The following WWC1 variants were observed in gnomAD, a reference collection of about 807,000 sequenced individuals.
WWC1 encodes the protein protein KIBRA.
Under a neutral mutation model 138.4 loss-of-function variants are expected in WWC1, and 55 were observed. That is an observed-to-expected ratio of 0.40 (90% CI 0.32 to 0.50). The LOEUF is 0.50. WWC1 is among the 20% of genes least tolerant of loss of function. The pLI is 0.72. For synonymous variants in WWC1, 524 were observed against 564.9 expected (o/e 0.93, Z 1.03); for missense variants, 1,226 against 1,420.4 (o/e 0.86, Z 2.20).
chr5:168,439,470 CAAAAA>C lies in WWC1; in HGVS notation c.2281-2201_2281-2197del, dbSNP rs34911162. ...AGAAACCCCGTCTCTACTAAAAATA[CAAAAA>C]AAAAAAAAAAGGCCAGGCGTGGTGG... On this transcript the variant is annotated intron_variant, in intron 15 of 22. Transcript: ENST00000265293. Among the ~76,000 whole-genome samples, 64 of 137,236 alleles carry C rather than the reference CAAAAA, an allele frequency of 4.7e-4. 1 individual carries two copies. Among genetic ancestry groups the C allele is most frequent in the African/African-American group, 1.5e-3 (59 of 39,026 alleles). The allele number at this position is 137,236 out of a possible 152,430, so 90.0% of individuals were successfully genotyped here. A position where few individuals can be genotyped will look rare whatever the true frequency, so the allele number is the denominator to read the frequency against.
intron 1 of WWC1, among the ~76,000 whole-genome samples, chr5:168,326,214 G>GTTTTTTTTTTTTTTTTTTTTTT (rs1772519891): frequency 9.0e-6 from 1 of 111,718 alleles, no homozygotes; most frequent in African/African-American, 3.3e-5. Flanking sequence ...CGACCTGATA[G>GTTTTTTTTTTTTTTTTTTTTTT]TCTTTTTTTT....
At chr5:168,437,147 C>G (rs1782414353) in intron 15 of WWC1, among the ~76,000 whole-genome samples, 2 of 152,146 alleles carry the variant, frequency 1.3e-5, no homozygotes, top group Non-Finnish European at 2.9e-5. Flanking sequence ...TTCTGTCCTC[C>G]CAGGTGCTCC....
chr5:168,363,524 CA>C (rs386405611), intron 1 of WWC1, among the ~76,000 whole-genome samples: 72 of 65,780 alleles, frequency 1.1e-3, no homozygotes, highest in African/African-American at 1.2e-3. Flanking sequence ...GACTCTGTCT[CA>C]AAAAAAAAAA....
chr5:168,351,551 G>A (rs1186453488), intron 1 of WWC1, among the ~76,000 whole-genome samples: 1 of 152,208 alleles, frequency 6.6e-6, no homozygotes, highest in African/African-American at 2.4e-5. Flanking sequence ...AGGATATGAT[G>A]GAAGGAGGGG....
chr5:168,314,685 CAGGGGGAACCTG>C (rs1011691265), intron 1 of WWC1, among the ~76,000 whole-genome samples: 8 of 152,192 alleles, frequency 5.3e-5, no homozygotes, highest in African/African-American at 1.9e-4. Context: ...TGGCCCCAGC[CAGGGGGAACCTG>C]AGCCTGGAGC....
At chr5:168,462,134 C>T (rs1156964479) in intron 20 of WWC1, among the ~76,000 whole-genome samples, 1 of 152,110 alleles carries the variant, frequency 6.6e-6, no homozygotes, top group African/African-American at 2.4e-5. Flanking sequence ...GCCAATAGCC[C>T]CCAGTAGGGG....
In WWC1 at chr5:168,464,776, G is replaced by A. The variant is rs544952709; in HGVS notation, c.2964G>A (p.Ser988=). ...GCTCCGAGCGTCTGATCCGTACCTC[G>A]CTGGACCTGGAGTTAGACCTGCAGG... ...SLRSERLIRT[S]LDLELDLQAT... The change falls in exon 21 of 23, where the codon TCG becomes TCA. Residue 988 remains serine (S), a synonymous_variant. Transcript: ENST00000265293. The A allele has an allele frequency of 1.0e-4, 163 of 1,614,132 alleles. 2 individuals are homozygous for A. In the East Asian group the frequency reaches 2.3e-3, roughly 22 times the overall value.
At chr5:168,443,782 C>A (rs1314263956) in intron 16 of WWC1, among the ~76,000 whole-genome samples, 1 of 152,208 alleles carries the variant, frequency 6.6e-6, no homozygotes, top group Admixed American at 6.5e-5. Flanking sequence ...CCCACACTAC[C>A]AAGGGTAACC....
chr5:168,328,921 T>G (rs148431877), intron 1 of WWC1, among the ~76,000 whole-genome samples: 15 of 152,300 alleles, frequency 9.8e-5, no homozygotes, highest in East Asian at 9.7e-4. Flanking sequence ...GCATCTGTTA[T>G]TCCCTCAGTC....
chr5:168,397,671 T>C (rs889973558), intron 3 of WWC1, 53 bp from the exon 4 acceptor site: 1 of 1,603,294 alleles, frequency 6.2e-7, no homozygotes, highest in Non-Finnish European at 8.5e-7. Flanking sequence ...AAGCCAACTT[T>C]GCTGAAATCT....
At chr5:168,309,919 C>T (rs997887803) in intron 1 of WWC1, among the ~76,000 whole-genome samples, 1 of 152,150 alleles carries the variant, frequency 6.6e-6, no homozygotes, top group South Asian at 2.1e-4. Flanking sequence ...TACAACAAAT[C>T]GAAAACTGAA....
chr5:168,399,529 G>C lies in WWC1; in HGVS notation c.552G>C (p.Glu184Asp). ...LKREMVHLQH[E>D]LQFKERGFQT... ...GAGAGATGGTTCACCTCCAGCACGA[G>C]CTGCAGTTCAAAGAGCGTGGCTTTC... The change falls in exon 5 of 23, where the codon GAG becomes GAC. Residue 184 changes from glutamate (E) to aspartate (D), a missense_variant. Around this residue, in one of 3 missense-constraint regions of WWC1, gnomAD observed 1,016 missense variants for 1,153.9 expected, o/e 0.88. Coordinates refer to ENST00000265293, the MANE Select transcript of WWC1 (RefSeq NM_015238.3). 6.2e-7 allele frequency: 1 copy of C among 1,614,190 alleles called. No individual in the cohort carries two copies. Among genetic ancestry groups the C allele is most frequent in the Non-Finnish European group, 8.5e-7 (1 of 1,180,034 alleles).
chr5:168,338,495 T>C (rs1034371736), intron 1 of WWC1, among the ~76,000 whole-genome samples: 22 of 147,702 alleles, frequency 1.5e-4, no homozygotes, highest in Non-Finnish European at 3.0e-4. Flanking sequence ...CACTGCAACC[T>C]CCGCCTCCCG....
intron 2 of WWC1, among the ~76,000 whole-genome samples, chr5:168,380,105 C>G (rs1777502409): frequency 6.6e-6 from 1 of 152,168 alleles, no homozygotes; most frequent in Non-Finnish European, 1.5e-5. Context: ...ATACATATCT[C>G]TAACAAAGAA....
At chr5:168,401,094 A>G (rs1428306404) in intron 5 of WWC1, among the ~76,000 whole-genome samples, 1 of 152,168 alleles carries the variant, frequency 6.6e-6, no homozygotes, top group Non-Finnish European at 1.5e-5. Context: ...CTGTCTCGAA[A>G]AAAAGGAAAA....
intron 17 of WWC1, among the ~76,000 whole-genome samples, chr5:168,445,081 C>T (rs1357130644): frequency 4.0e-5 from 6 of 151,848 alleles, no homozygotes; most frequent in African/African-American, 1.2e-4. Flanking sequence ...TTTGGGAAGC[C>T]GAGGTGGGTG....
chr5:168,457,296 C>A (rs1319558475), intron 19 of WWC1, among the ~76,000 whole-genome samples: 1 of 152,100 alleles, frequency 6.6e-6, no homozygotes, highest in Non-Finnish European at 1.5e-5. Flanking sequence ...ATTTTCCTAT[C>A]ATTTCCTCTA....
In WWC1 at chr5:168,408,653, CG is replaced by C; in HGVS notation, c.867+1del. 3 of 1,613,950 alleles carry C rather than the reference CG, an allele frequency of 1.9e-6. No homozygotes were observed. Among genetic ancestry groups the C allele is most frequent in the Non-Finnish European group, 2.5e-6 (3 of 1,179,906 alleles). ...GCTCCCAGACAGACATCTCGGGAAGCGTGAGTAGACGGGGCAGGTTGCTGGG... is the reference window on the plus strand; with the variant it reads ...GCTCCCAGACAGACATCTCGGGAAGCTGAGTAGACGGGGCAGGTTGCTGGG... On this transcript the variant is annotated splice_donor_variant, in intron 7 of 22. Transcript: ENST00000265293. LOFTEE classifies it high-confidence loss of function.
At chr5:168,344,483 A>G (rs4976546) in intron 1 of WWC1, among the ~76,000 whole-genome samples, 102,565 of 152,122 alleles carry the variant, frequency 0.67, 34,885 homozygotes, top group East Asian at 0.83. Flanking sequence ...CCTGTGGGTC[A>G]AGATGAGATA....
Sources: gnomAD v4.1 joint callset for allele counts (sites outside exome capture counted in the v4.1 genomes callset) on GRCh38, gnomAD v4.1.1 for gene constraint, gnomAD v4.1.1 regional missense constraint, MANE v1.5 for transcripts, NCBI Gene and HGNC (gene_info 2026-07-23, HGNC 2026-07-21) for gene names.